TTBK2: variants seen among roughly 807,000 people sequenced by gnomAD.
TTBK2 encodes the protein tau tubulin kinase 2, also known as tau-tubulin kinase 2.
TTBK2 carries 28 observed loss-of-function variants against 110.8 expected under a neutral mutation model. The observed-to-expected ratio is 0.25, with a 90% CI of 0.19 to 0.35. The LOEUF (loss-of-function observed/expected upper bound fraction) is 0.35. Ranked by LOEUF, TTBK2 falls within the 10% of genes least tolerant of loss-of-function variation. The probability of loss-of-function intolerance (pLI) is 1.00; values close to 1 mark genes in which losing one functional copy is unlikely to be tolerated. For synonymous variants in TTBK2, 532 were observed against 527.3 expected (o/e 1.01, Z -0.12); for missense variants, 1,369 against 1,500.3 (o/e 0.91, Z 1.45).
intron 13 of TTBK2, among the ~76,000 whole-genome samples, chr15:42,765,665 G>C (rs1595888943): frequency 6.6e-6 from 1 of 152,208 alleles, no homozygotes; most frequent in East Asian, 1.9e-4. Context: ...AAGTGATGGG[G>C]AGAATGGAAC....
chr15:42,827,466 G>C (rs1404631895), intron 6 of TTBK2, among the ~76,000 whole-genome samples: 1 of 152,058 alleles, frequency 6.6e-6, no homozygotes, highest in Non-Finnish European at 1.5e-5. Context: ...ACCAGATATT[G>C]GATTTAACAG....
chr15:42,858,673 T>C (rs1428385243), intron 3 of TTBK2, among the ~76,000 whole-genome samples: 2 of 151,918 alleles, frequency 1.3e-5, no homozygotes, highest in African/African-American at 2.4e-5. Flanking sequence ...GCCTCCAAAA[T>C]TGGAAAGAGA....
intron 13 of TTBK2, among the ~76,000 whole-genome samples, chr15:42,754,313 T>C (rs183636354): frequency 6.6e-6 from 1 of 152,226 alleles, no homozygotes; most frequent in Non-Finnish European, 1.5e-5. Flanking sequence ...ACTCCTGAGC[T>C]CAAGTGATCC....
chr15:42,803,611 T>C (rs935610235), intron 9 of TTBK2, among the ~76,000 whole-genome samples: 2 of 152,142 alleles, frequency 1.3e-5, no homozygotes, highest in African/African-American at 4.8e-5. Context: ...GGCTTTTCAG[T>C]GCCTCCTCAC....
intron 3 of TTBK2, among the ~76,000 whole-genome samples, chr15:42,859,957 T>TA (rs1894089571): frequency 6.6e-6 from 1 of 151,940 alleles, no homozygotes; most frequent in South Asian, 2.1e-4. Flanking sequence ...TTTATAGGCT[T>TA]ATTAGTAGAC....
At chr15:42,801,264 A>G in intron 9 of TTBK2, 1 of 1,544,252 alleles carries the variant, frequency 6.5e-7, no homozygotes, top group Non-Finnish European at 8.8e-7. Context: ...CTTGATATCC[A>G]GGGCCAGCTT....
chr15:42,894,935 G>A (rs1164614058), intron 1 of TTBK2, among the ~76,000 whole-genome samples: 1 of 152,136 alleles, frequency 6.6e-6, no homozygotes, highest in African/African-American at 2.4e-5. Flanking sequence ...ATGCAGTACA[G>A]CAGATTAATA....
intron 13 of TTBK2, among the ~76,000 whole-genome samples, chr15:42,754,879 A>G (rs988917918): frequency 6.6e-6 from 1 of 150,946 alleles, no homozygotes; most frequent in African/African-American, 2.4e-5. Context: ...GTGGTGGCAC[A>G]TGCCTGTAAT....
intron 11 of TTBK2, among the ~76,000 whole-genome samples, chr15:42,780,832 C>G (rs182297337): frequency 6.6e-6 from 1 of 151,928 alleles, no homozygotes; most frequent in Admixed American, 6.6e-5. Context: ...AGCGTGGTGG[C>G]GGGTGCCTGT....
intron 13 of TTBK2, among the ~76,000 whole-genome samples, chr15:42,770,368 G>T (rs953932211): frequency 2.0e-5 from 3 of 152,118 alleles, no homozygotes; most frequent in Non-Finnish European, 4.4e-5. Context: ...CTTGAAAGCA[G>T]TGAGGTGACT....
At chr15:42,872,553 C>T (rs1050079415) in intron 3 of TTBK2, 58 bp downstream of exon 3, 3 of 1,579,078 alleles carry the variant, frequency 1.9e-6, no homozygotes, top group South Asian at 1.1e-5. Flanking sequence ...CAGGAAGATA[C>T]AAATAAATTA....
intron 3 of TTBK2, among the ~76,000 whole-genome samples, chr15:42,851,010 G>C (rs1190985190): frequency 1.3e-5 from 2 of 151,614 alleles, no homozygotes; most frequent in African/African-American, 2.4e-5. Flanking sequence ...TGGATCACGA[G>C]GTCAGGAAAT....
At chr15:42,775,821 G>A in intron 12 of TTBK2, 98 bp from the exon 13 acceptor site, 2 of 921,460 alleles carry the variant, frequency 2.2e-6, no homozygotes, top group South Asian at 1.9e-5. Context: ...ACAAAGATGA[G>A]AGAAAAAAAG....
intron 11 of TTBK2, among the ~76,000 whole-genome samples, chr15:42,780,575 G>A (rs1240656914): frequency 6.6e-6 from 1 of 151,926 alleles, no homozygotes; most frequent in Non-Finnish European, 1.5e-5. Flanking sequence ...AGAGAAAACA[G>A]AAGATGAAAA....
chr15:42,759,848 A>G, intron 13 of TTBK2, among the ~76,000 whole-genome samples: 1 of 152,170 alleles, frequency 6.6e-6, no homozygotes, highest in South Asian at 2.1e-4. Flanking sequence ...CACATCAAAC[A>G]TGAAAAAGCA....
intron 13 of TTBK2, among the ~76,000 whole-genome samples, chr15:42,765,198 G>T (rs1315432411): frequency 6.6e-6 from 1 of 152,190 alleles, no homozygotes; most frequent in East Asian, 1.9e-4. Flanking sequence ...AAAAACCAGA[G>T]CACCTCTTCC....
chr15:42,815,406 A>G (rs1891896113), intron 7 of TTBK2, among the ~76,000 whole-genome samples: 1 of 152,202 alleles, frequency 6.6e-6, no homozygotes. Flanking sequence ...GGCTTATCAG[A>G]ACAGGAACAA....
intron 13 of TTBK2, among the ~76,000 whole-genome samples, chr15:42,758,669 A>AT (rs1251227403): frequency 1.3e-5 from 2 of 151,470 alleles, no homozygotes; most frequent in Non-Finnish European, 2.9e-5. Context: ...AAAAAAAAAA[A>AT]AAAAAAGAAG....
intron 3 of TTBK2, among the ~76,000 whole-genome samples, chr15:42,866,350 A>G (rs1021761616): frequency 2.6e-5 from 4 of 152,190 alleles, no homozygotes; most frequent in Non-Finnish European, 5.9e-5. Flanking sequence ...CTAAGAGGCC[A>G]TATACTATGT....
Sources: gnomAD v4.1 joint callset for allele counts (sites outside exome capture counted in the v4.1 genomes callset) on GRCh38, gnomAD v4.1.1 for gene constraint, MANE v1.5 for transcripts, NCBI Gene and HGNC (gene_info 2026-07-23, HGNC 2026-07-21) for gene names.